SPTBN1: variants seen among roughly 807,000 people sequenced by gnomAD.
SPTBN1 encodes spectrin beta, non-erythrocytic 1.
In SPTBN1, 32 loss-of-function variants were observed where a neutral mutation model predicts 266.4. That is an observed-to-expected ratio of 0.12 (90% CI 0.09 to 0.16). SPTBN1 has a LOEUF of 0.16. Ranked by LOEUF, SPTBN1 falls within the 10% of genes least tolerant of loss-of-function variation. The pLI, the probability that SPTBN1 is intolerant of heterozygous loss-of-function variation, is 1.00. For missense variants in SPTBN1, 2,296 were observed against 3,067.1 expected (o/e 0.75, Z 5.94); for synonymous variants, 1,336 against 1,162.2 (o/e 1.15, Z -3.04).
chr2:54,513,753 T>A (rs1227844667), intron 1 of SPTBN1, among the ~76,000 whole-genome samples: 9 of 152,232 alleles, frequency 5.9e-5, no homozygotes, highest in Non-Finnish European at 1.3e-4. Flanking sequence ...TTAATAGCTC[T>A]TCTCTGTATG....
At chr2:54,577,312 A>G (rs1427943047) in intron 2 of SPTBN1, among the ~76,000 whole-genome samples, 3 of 152,144 alleles carry the variant, frequency 2.0e-5, no homozygotes, top group Non-Finnish European at 4.4e-5. Flanking sequence ...GGTCACTTTC[A>G]TTTTACCGAA....
rs374277736 is a variant in SPTBN1, at chr2:54,558,897, C to T, written c.148+32331C>T. The T allele has an allele frequency of 9.3e-6, 15 of 1,611,990 alleles. No homozygotes were observed. The African/African-American group carries it at 1.3e-4, about 14-fold the overall frequency. ...TTCAAGCAGCTGCAAGGTAAGCCCC[C>T]TCCCAAAGGCCGGGCCTGTCCTGGG... On this transcript the variant is annotated intron_variant, in intron 2 of 35. Transcript: ENST00000356805. This position sits in a 1 kb window ranked among gnomAD's most constrained non-coding sequence, Gnocchi z 4.6.
chr2:54,589,039 A>G (rs1353709020), intron 2 of SPTBN1, among the ~76,000 whole-genome samples: 1 of 152,194 alleles, frequency 6.6e-6, no homozygotes, highest in Non-Finnish European at 1.5e-5. Context: ...AGAATGGGAT[A>G]TCCATCCCCT....
intron 3 of SPTBN1, 118 bp downstream of exon 3, chr2:54,599,361 T>C: frequency 8.0e-7 from 1 of 1,255,826 alleles, no homozygotes; most frequent in African/African-American, 1.5e-5. Context: ...TTGAGGAGAA[T>C]CTTGAGAAGT....
At chr2:54,515,832 C>G (rs1485769122) in intron 1 of SPTBN1, 1 of 152,116 alleles carries the variant, frequency 6.6e-6, no homozygotes, top group Non-Finnish European at 1.5e-5. Flanking sequence ...CAGTGTGACC[C>G]TTTTTTTCCT....
intron 1 of SPTBN1, among the ~76,000 whole-genome samples, chr2:54,487,524 G>T (rs550817771): frequency 6.6e-6 from 1 of 152,188 alleles, no homozygotes; most frequent in Non-Finnish European, 1.5e-5. Context: ...AGCCTTCCCT[G>T]ATTTTCAGCC....
At chr2:54,470,919 T>A (rs1429040270) in intron 1 of SPTBN1, among the ~76,000 whole-genome samples, 3 of 152,216 alleles carry the variant, frequency 2.0e-5, no homozygotes, top group South Asian at 4.1e-4. Context: ...CAGCACAAAT[T>A]TGTAAACTTT....
At chr2:54,473,708 C>G (rs185162819) in intron 1 of SPTBN1, among the ~76,000 whole-genome samples, 63 of 152,264 alleles carry the variant, frequency 4.1e-4, no homozygotes, top group Admixed American at 2.7e-3. Context: ...TTCCTTTAAC[C>G]TTGCAGGAGA....
intron 17 of SPTBN1, among the ~76,000 whole-genome samples, chr2:54,637,167 C>G (rs1273382456): frequency 1.3e-5 from 2 of 152,066 alleles, no homozygotes; most frequent in African/African-American, 4.8e-5. Context: ...TTACCCTTAT[C>G]AATTGATTAA....
At chr2:54,661,172 C>A (rs756547870) in intron 32 of SPTBN1, 2 of 985,426 alleles carry the variant, frequency 2.0e-6, no homozygotes, top group Non-Finnish European at 2.4e-6. Flanking sequence ...ATAAAGGAAG[C>A]TTTTAGGATG....
chr2:54,527,546 T>G (rs1179354924), intron 2 of SPTBN1: 1 of 152,188 alleles, frequency 6.6e-6, no homozygotes, highest in Non-Finnish European at 1.5e-5. Flanking sequence ...GGTCACACAG[T>G]AGGCAAATTC....
chr2:54,611,100 A>C (rs1677179026), intron 3 of SPTBN1, among the ~76,000 whole-genome samples: 1 of 152,194 alleles, frequency 6.6e-6, no homozygotes, highest in Non-Finnish European at 1.5e-5. Flanking sequence ...GAGTTTTGAT[A>C]ATTTTTAATT....
chr2:54,598,445 T>C (rs1676251144), intron 2 of SPTBN1, among the ~76,000 whole-genome samples: 1 of 125,014 alleles, frequency 8.0e-6, no homozygotes, highest in Non-Finnish European at 1.7e-5. Flanking sequence ...GTCTTTGCAC[T>C]CTACCATGTT....
chr2:54,565,153 G>C (rs1673582383), intron 2 of SPTBN1, among the ~76,000 whole-genome samples: 1 of 152,142 alleles, frequency 6.6e-6, no homozygotes, highest in Non-Finnish European at 1.5e-5. Flanking sequence ...ACTCTGCCAG[G>C]TGGTTCTGGT....
At chr2:54,560,672 T>A (rs953849582) in intron 2 of SPTBN1, among the ~76,000 whole-genome samples, 2 of 152,252 alleles carry the variant, frequency 1.3e-5, no homozygotes, top group African/African-American at 4.8e-5. Context: ...TAATTTTTTT[T>A]AGTGTGACCC....
At chr2:54,612,430 G>A (rs1677277973) in intron 4 of SPTBN1, 96 bp downstream of exon 4, 2 of 1,372,112 alleles carry the variant, frequency 1.5e-6, no homozygotes, top group Admixed American at 2.4e-5. Context: ...GAGGGATCGG[G>A]AAGACCAGGT....
intron 1 of SPTBN1, among the ~76,000 whole-genome samples, chr2:54,500,993 G>C (rs1669233765): frequency 6.6e-6 from 1 of 152,212 alleles, no homozygotes; most frequent in African/African-American, 2.4e-5. Flanking sequence ...TGAGCAGCTA[G>C]ATGACTTGTC....
In SPTBN1 at chr2:54,558,704, G is replaced by GT; in HGVS notation, c.148+32139dup. 1 of 1,560,520 alleles carries GT rather than the reference G, an allele frequency of 6.4e-7. No individual in the cohort carries two copies. Among genetic ancestry groups the GT allele is most frequent in the Non-Finnish European group, 8.7e-7 (1 of 1,148,524 alleles). ...AGCCGAGCGCTGCGGAGGCTGCTGC[G>GT]TGTTGGATGGGAGTGGGAGGGGGCT... On this transcript the variant is annotated intron_variant, in intron 2 of 35. Transcript: ENST00000356805. This position sits in a 1 kb window ranked among gnomAD's most constrained non-coding sequence, Gnocchi z 4.6.
intron 7 of SPTBN1, among the ~76,000 whole-genome samples, chr2:54,620,024 C>T (rs182257663): frequency 6.6e-6 from 1 of 152,226 alleles, no homozygotes; most frequent in Non-Finnish European, 1.5e-5. Context: ...CTCTTCACAA[C>T]CTATCCCAAG....
Sources: allele counts gnomAD v4.1 joint callset (sites outside exome capture counted in the v4.1 genomes callset), GRCh38; gene constraint gnomAD v4.1.1; non-coding constraint Gnocchi (gnomAD v3.1); transcripts MANE v1.5; gene names NCBI Gene and HGNC (gene_info 2026-07-23, HGNC 2026-07-21).